NINJ1: variants seen among roughly 807,000 people sequenced by gnomAD.
The protein encoded by NINJ1 is ninjurin 1, also known as ninjurin-1.
Under a neutral mutation model 12.7 loss-of-function variants are expected in NINJ1, and 6 were observed. The observed-to-expected ratio is 0.47, with a 90% CI of 0.26 to 0.93. NINJ1 has a LOEUF of 0.93. Ranked by LOEUF, NINJ1 falls within the 40% of genes least tolerant of loss-of-function variation. The probability of loss-of-function intolerance (pLI) is 0.15; values close to 1 mark genes in which losing one functional copy is unlikely to be tolerated. For missense variants in NINJ1, 170 were observed against 213.0 expected (o/e 0.80, Z 1.26); for synonymous variants, 100 against 96.0 (o/e 1.04, Z -0.25).
At chr9:93,127,167 C>T (rs948540035) in intron 1 of NINJ1, among the ~76,000 whole-genome samples, 2 of 152,190 alleles carry the variant, frequency 1.3e-5, no homozygotes, top group South Asian at 2.1e-4. Flanking sequence ...ACAGGCCACT[C>T]GCCTCCAGGC....
chr9:93,132,395 C>T (rs1827908243), intron 1 of NINJ1, among the ~76,000 whole-genome samples: 2 of 152,222 alleles, frequency 1.3e-5, no homozygotes, highest in Non-Finnish European at 2.9e-5. Flanking sequence ...CCCCCACCTC[C>T]TACCTGGCCC....
intron 1 of NINJ1, 90 bp downstream of exon 1, chr9:93,134,053 G>T: frequency 9.6e-7 from 1 of 1,038,344 alleles, no homozygotes; most frequent in Non-Finnish European, 1.4e-6. Context: ...CTGCAGTGCG[G>T]ACGCGGCGCA....
chr9:93,124,839 G>C (rs1054985728), intron 3 of NINJ1, 60 bp downstream of exon 3: 3 of 1,523,734 alleles, frequency 2.0e-6, no homozygotes, highest in African/African-American at 2.8e-5. Flanking sequence ...CACACTGCAA[G>C]AGCCTCCAAC....
At chr9:93,131,150 C>T (rs959276002) in intron 1 of NINJ1, among the ~76,000 whole-genome samples, 1 of 152,262 alleles carries the variant, frequency 6.6e-6, no homozygotes, top group Admixed American at 6.5e-5. Flanking sequence ...AGCCCTGCAC[C>T]GTCTCCTACC....
intron 1 of NINJ1, among the ~76,000 whole-genome samples, chr9:93,127,041 C>T (rs553637107): frequency 2.0e-5 from 3 of 152,164 alleles, no homozygotes; most frequent in Non-Finnish European, 1.5e-5. Flanking sequence ...AAGGAAGTGA[C>T]GTGTGGGCGG....
chr9:93,126,102 T>G, intron 2 of NINJ1: 3 of 371,528 alleles, frequency 8.1e-6, no homozygotes, highest in South Asian at 4.2e-5. Context: ...GGGGCTGAGG[T>G]GGGAGGATCG....
chr9:93,129,372 C>T (rs997393780), intron 1 of NINJ1, among the ~76,000 whole-genome samples: 7 of 152,338 alleles, frequency 4.6e-5, no homozygotes, highest in East Asian at 1.9e-4. Context: ...ATGTGTACCA[C>T]GAGGCTGTGG....
intron 1 of NINJ1, among the ~76,000 whole-genome samples, chr9:93,132,911 A>C (rs941859345): frequency 2.0e-5 from 3 of 152,072 alleles, no homozygotes; most frequent in Non-Finnish European, 4.4e-5. Flanking sequence ...CAAGCCACTG[A>C]CCTGTTTATT....
Position 93,130,240 on chromosome 9 carries a change from T to A in NINJ1, c.76-3602A>T, listed in dbSNP as rs1827871905. 2.6e-5 allele frequency among the ~76,000 whole-genome samples: 4 copies of A among 152,152 alleles called. No individual in the cohort carries two copies. The South Asian group carries it at 8.3e-4, about 32-fold the overall frequency. ...GGCGTGGCTGGCTCCTCATGCAACC[T>A]TCTGTGGACGGTCGGCCTCCCCACT... On this transcript the variant is annotated intron_variant, in intron 1 of 3. Coordinates refer to ENST00000375446, the MANE Select transcript of NINJ1 (RefSeq NM_004148.4).
intron 1 of NINJ1, among the ~76,000 whole-genome samples, chr9:93,130,822 C>T (rs1216213595): frequency 6.6e-6 from 1 of 152,190 alleles, no homozygotes; most frequent in African/African-American, 2.4e-5. Context: ...GAAAGGACAG[C>T]CTGGGGCACA....
Position 93,125,030 on chromosome 9 carries a change from C to T in NINJ1, c.337G>A (p.Ala113Thr), listed in dbSNP as rs755546683. Residue 113 changes from alanine to threonine, a missense_variant, in exon 3 of 4, where the codon GCC becomes ACC. Coordinates refer to ENST00000375446, the MANE Select transcript of NINJ1 (RefSeq NM_004148.4). ...KYDLNNPAKHAKLDFLNNLAT... is the reference protein window; with the variant it reads ...KYDLNNPAKHTKLDFLNNLAT... ...AGGTTGTTGAGGAAGTCCAGCTTGG[C>T]GTGCTTGGCCGGGTTGTTAAGGTCG... 7 of 1,613,600 alleles carry T rather than the reference C, an allele frequency of 4.3e-6. No homozygotes were observed. The highest frequency in any genetic ancestry group is 3.3e-5 in the Admixed American group (2 of 59,932).
In NINJ1 at chr9:93,125,057, A is replaced by C; in HGVS notation, c.310T>G (p.Tyr104Asp). ...TGCTTGGCCGGGTTGTTAAGGTCGTACTTGACTGTGGGCGAGAGAGGAGTG... is the reference window on the plus strand; with the variant it reads ...TGCTTGGCCGGGTTGTTAAGGTCGTCCTTGACTGTGGGCGAGAGAGGAGTG... The part of the protein sequence containing the change: ...VGVLLIFLVK[Y>D]DLNNPAKHAK... The change falls in exon 3 of 4, where the codon TAC (tyrosine) becomes GAC (aspartate). Residue 104 changes from tyrosine to aspartate, a missense_variant. Physicochemically the swap from Tyr to Asp is radical, Grantham distance 160. Coordinates refer to ENST00000375446, the MANE Select transcript of NINJ1 (RefSeq NM_004148.4). The C allele has an allele frequency of 6.2e-7, 1 of 1,611,930 alleles. No individual in the cohort carries two copies. The highest frequency in any genetic ancestry group is 8.5e-7 in the Non-Finnish European group (1 of 1,178,702).
chr9:93,130,578 A>T (rs1827878688), intron 1 of NINJ1, among the ~76,000 whole-genome samples: 1 of 152,162 alleles, frequency 6.6e-6, no homozygotes, highest in African/African-American at 2.4e-5. Flanking sequence ...CTGCCTCAAC[A>T]CTGACCACTC....
intron 3 of NINJ1, among the ~76,000 whole-genome samples, chr9:93,123,186 C>T (rs1827758413): frequency 2.0e-5 from 3 of 152,220 alleles, no homozygotes; most frequent in Admixed American, 2.0e-4. Flanking sequence ...CACTCGTTGG[C>T]CCCCGTGTGG....
At position 93,129,556 on chromosome 9, in the gene NINJ1, G is replaced by A. The variant is rs1010203689; in HGVS notation, c.76-2918C>T. Among the ~76,000 whole-genome samples, 6 of 152,298 alleles carry A rather than the reference G, an allele frequency of 3.9e-5. No individual in the cohort carries two copies. The East Asian group carries it at 5.8e-4, about 15-fold the overall frequency. On this transcript the variant is annotated intron_variant, in intron 1 of 3. Coordinates refer to ENST00000375446, the MANE Select transcript of NINJ1 (RefSeq NM_004148.4). ...GCCCTGGCTCACCACAGCCCAGCCC[G>A]TGGCCCTGACGCAAGCTCCCCCTCC... is the stretch of plus-strand genomic sequence containing the variant.
At chr9:93,124,288 T>C (rs567176298) in intron 3 of NINJ1, among the ~76,000 whole-genome samples, 10 of 152,284 alleles carry the variant, frequency 6.6e-5, no homozygotes, top group South Asian at 2.1e-4. Context: ...TTTTGGGTGT[T>C]TTTTGAGACA....
At chr9:93,124,819 A>C (rs1827785907) in intron 3 of NINJ1, 80 bp downstream of exon 3, 5 of 1,461,926 alleles carry the variant, frequency 3.4e-6, no homozygotes, top group Middle Eastern at 1.9e-4. Context: ...CTGGCCGGCC[A>C]GGGACTCACC....
At position 93,133,914 on chromosome 9, in the gene NINJ1, G is replaced by T. The variant is rs148719952; in HGVS notation, c.75+229C>A. Among the ~76,000 whole-genome samples the T allele has an allele frequency of 5.7e-3, 865 of 152,308 alleles. 7 individuals are homozygous for T. The highest frequency in any genetic ancestry group is 9.3e-3 in the Non-Finnish European group (630 of 67,994). ...CTGCTTAGTGGGGCTGGGGACGCCA[G>T]CCCGCCCTGCGCCCCCACGCCCCCT... On this transcript the variant is annotated intron_variant, in intron 1 of 3. Transcript: ENST00000375446.
chr9:93,129,734 C>G (rs1827863885), intron 1 of NINJ1, among the ~76,000 whole-genome samples: 2 of 152,162 alleles, frequency 1.3e-5, no homozygotes, highest in East Asian at 3.9e-4. Flanking sequence ...GACTGTGTGT[C>G]CCAAAGCATA....
Sources: gnomAD v4.1 joint callset for allele counts (sites outside exome capture counted in the v4.1 genomes callset) on GRCh38, gnomAD v4.1.1 for gene constraint, MANE v1.5 for transcripts, NCBI Gene and HGNC (gene_info 2026-07-23, HGNC 2026-07-21) for gene names.